BNC2: variants seen among roughly 807,000 people sequenced by gnomAD.
BNC2 encodes basonuclin zinc finger protein 2.
A neutral mutation model predicts 76.3 loss-of-function variants in BNC2; 20 were observed. That is an observed-to-expected ratio of 0.26 (90% CI 0.18 to 0.38). BNC2 has a LOEUF of 0.38. Among genes scored for constraint, BNC2 ranks in the 10% least tolerant of loss-of-function variants. The pLI, the probability that BNC2 is intolerant of heterozygous loss-of-function variation, is 1.00. For missense variants in BNC2, 1,382 were observed against 1,399.8 expected (o/e 0.99, Z 0.20); for synonymous variants, 582 against 514.8 (o/e 1.13, Z -1.77).
intron 5 of BNC2, among the ~76,000 whole-genome samples, chr9:16,502,690 T>C (rs963780222): frequency 6.6e-6 from 1 of 152,134 alleles, no homozygotes; most frequent in African/African-American, 2.4e-5. Flanking sequence ...AGGAAAGCTA[T>C]ACAAAGTCAT....
chr9:16,852,715 G>A (rs1029694908), intron 1 of BNC2, among the ~76,000 whole-genome samples: 1 of 152,108 alleles, frequency 6.6e-6, no homozygotes, highest in Non-Finnish European at 1.5e-5. Flanking sequence ...GACACAGGAG[G>A]GAAGGTTGGC....
intron 1 of BNC2, among the ~76,000 whole-genome samples, chr9:16,770,543 C>CTGGT (rs1825805859): frequency 6.6e-6 from 1 of 152,080 alleles, no homozygotes; most frequent in South Asian, 2.1e-4. Flanking sequence ...AGGAGTTTAC[C>CTGGT]CACAATGACC....
intron 6 of BNC2, chr9:16,434,825 T>C (rs1323552593): frequency 4.4e-6 from 2 of 456,466 alleles, no homozygotes; most frequent in East Asian, 1.4e-4. Flanking sequence ...ATGCCTCCCC[T>C]TCTGTGCATA....
At chr9:16,516,047 G>C (rs767707184) in intron 5 of BNC2, among the ~76,000 whole-genome samples, 3 of 152,062 alleles carry the variant, frequency 2.0e-5, no homozygotes, top group Non-Finnish European at 2.9e-5. Context: ...GCTGATTCAA[G>C]GGAAAATGAA....
intron 3 of BNC2, among the ~76,000 whole-genome samples, chr9:16,604,289 T>C (rs1413696247): frequency 2.0e-5 from 3 of 152,182 alleles, no homozygotes; most frequent in Non-Finnish European, 4.4e-5. Context: ...CAATGCCCCA[T>C]TCATATTAAT....
At chr9:16,571,272 A>G (rs1819315339) in intron 4 of BNC2, among the ~76,000 whole-genome samples, 1 of 152,168 alleles carries the variant, frequency 6.6e-6, no homozygotes, top group South Asian at 2.1e-4. Context: ...TCCAAACAAC[A>G]CAGCTGAACT....
At chr9:16,463,083 C>T (rs2131265541) in intron 5 of BNC2, among the ~76,000 whole-genome samples, 1 of 152,106 alleles carries the variant, frequency 6.6e-6, no homozygotes, top group African/African-American at 2.4e-5. Context: ...CAATGTTGTT[C>T]TGAAAGGTGT....
At chr9:16,686,262 T>G (rs1822974137) in intron 3 of BNC2, among the ~76,000 whole-genome samples, 1 of 152,156 alleles carries the variant, frequency 6.6e-6, no homozygotes, top group Non-Finnish European at 1.5e-5. Context: ...AGGTTAAAAC[T>G]TAATGAATGT....
intron 3 of BNC2, among the ~76,000 whole-genome samples, chr9:16,662,031 A>G (rs79225943): frequency 0.019 from 2,853 of 152,310 alleles, 37 homozygotes; most frequent in South Asian, 0.055. Flanking sequence ...ATGTTTCCCT[A>G]GAAAAACAGA....
At chr9:16,622,836 C>A (rs1310516695) in intron 3 of BNC2, among the ~76,000 whole-genome samples, 4 of 152,072 alleles carry the variant, frequency 2.6e-5, no homozygotes, top group African/African-American at 9.7e-5. Flanking sequence ...TAAAGAACAA[C>A]AATTTCAGGT....
chr9:16,528,758 T>C (rs1817887924), intron 5 of BNC2, among the ~76,000 whole-genome samples: 1 of 152,204 alleles, frequency 6.6e-6, no homozygotes, highest in Non-Finnish European at 1.5e-5. Context: ...AATAAGTGAC[T>C]AAATAAATTA....
intron 3 of BNC2, among the ~76,000 whole-genome samples, chr9:16,672,003 G>A (rs558655505): frequency 7.9e-5 from 12 of 152,232 alleles, no homozygotes; most frequent in African/African-American, 2.9e-4. Context: ...AATCATTCAT[G>A]GGTGATTGGT....
Position 16,551,317 on chromosome 9 carries a change from C to G in BNC2, c.669+1213G>C, listed in dbSNP as rs111742093. ...CCTACTTCTACTTTCTATCCTTCCA[C>G]TGCTCTCCTGTCCCAGCTAACAGCT... On this transcript the variant is annotated intron_variant, in intron 5 of 6. Coordinates refer to ENST00000380672, the MANE Select transcript of BNC2 (RefSeq NM_017637.6). Among the ~76,000 whole-genome samples the G allele has an allele frequency of 5.3e-5, 8 of 152,338 alleles. 1 individual carries two copies. The highest frequency in any genetic ancestry group is 1.9e-4 in the African/African-American group (8 of 41,582).
chr9:16,774,368 C>T (rs1308029807), intron 1 of BNC2, among the ~76,000 whole-genome samples: 1 of 152,200 alleles, frequency 6.6e-6, no homozygotes, highest in Non-Finnish European at 1.5e-5. Context: ...GAATCTGGAT[C>T]TGATGAACCA....
rs1388979340 is a variant in BNC2, at chr9:16,867,331, TA to T, written c.3+3314del. ...ATAGTATTTATACACAATACTAGTA[TA>T]ATGACTTTTTTATTGTTTAATCTTA... On this transcript the variant is annotated intron_variant, in intron 1 of 6. Transcript: ENST00000380672. 1.1e-4 allele frequency: 17 copies of T among 151,904 alleles called. 1 individual carries two copies. The South Asian group carries it at 2.7e-3, about 24-fold the overall frequency. 9.4% of individuals were successfully genotyped at this position (151,904 alleles called of 1,614,324 possible).
intron 3 of BNC2, among the ~76,000 whole-genome samples, chr9:16,672,421 C>T (rs554980696): frequency 7.4e-4 from 112 of 152,104 alleles, no homozygotes; most frequent in African/African-American, 2.5e-3. Flanking sequence ...GGCGTGAACC[C>T]GGGAGGCAGA....
chr9:16,601,436 G>C (rs1448818279), intron 3 of BNC2, among the ~76,000 whole-genome samples: 2 of 152,184 alleles, frequency 1.3e-5, no homozygotes, highest in East Asian at 1.9e-4. Flanking sequence ...TCTGTTTAAA[G>C]GACTTCAGGG....
chr9:16,659,352 G>A lies in BNC2; in HGVS notation c.330+68445C>T, dbSNP rs544026143. ...TTGCGGCGGGCACAGTGGCTCACGC[G>A]TAATCACAGCACTTTGGGGGGCCGA... On this transcript the variant is annotated intron_variant, in intron 3 of 6. Coordinates refer to ENST00000380672, the MANE Select transcript of BNC2 (RefSeq NM_017637.6). 6.6e-5 allele frequency among the ~76,000 whole-genome samples: 10 copies of A among 152,040 alleles called. No individual in the cohort carries two copies. In the South Asian group the frequency reaches 1.5e-3, roughly 22 times the overall value.
At chr9:16,670,499 G>A (rs1277550708) in intron 3 of BNC2, among the ~76,000 whole-genome samples, 2 of 152,108 alleles carry the variant, frequency 1.3e-5, no homozygotes, top group African/African-American at 2.4e-5. Context: ...AGAATATTAA[G>A]AGTGGCTGAA....
Sources: gnomAD v4.1 joint callset for allele counts (sites outside exome capture counted in the v4.1 genomes callset) on GRCh38, gnomAD v4.1.1 for gene constraint, MANE v1.5 for transcripts, NCBI Gene and HGNC (gene_info 2026-07-23, HGNC 2026-07-21) for gene names.